Variants in SHISA6 observed in about 807,000 individuals in gnomAD.
The protein encoded by SHISA6 is protein shisa-6.
Under a neutral mutation model 47.9 loss-of-function variants are expected in SHISA6, and 22 were observed. That is an observed-to-expected ratio of 0.46 (90% CI 0.33 to 0.66). The LOEUF (loss-of-function observed/expected upper bound fraction) is 0.66, where lower values mean the gene tolerates loss of function less well. SHISA6 is among the 30% of genes least tolerant of loss of function. The pLI is 0.02. For missense variants in SHISA6, 680 were observed against 764.6 expected (o/e 0.89, Z 1.30); for synonymous variants, 388 against 337.8 (o/e 1.15, Z -1.63).
intron 3 of SHISA6, among the ~76,000 whole-genome samples, chr17:11,516,757 T>A (rs2071589107): frequency 6.6e-6 from 1 of 152,182 alleles, no homozygotes; most frequent in Admixed American, 6.5e-5. Flanking sequence ...GATAAATGGT[T>A]AGAAAAGGGG....
At chr17:11,298,694 C>A (rs185613654) in intron 2 of SHISA6, among the ~76,000 whole-genome samples, 1 of 152,104 alleles carries the variant, frequency 6.6e-6, no homozygotes, top group Non-Finnish European at 1.5e-5. Context: ...ATTCTGGTAA[C>A]GTAAGACCCA....
Position 11,321,670 on chromosome 17 carries a change from G to A in SHISA6, c.800-57744G>A, listed in dbSNP as rs533404704. On this transcript the variant is annotated intron_variant, in intron 2 of 5. Transcript: ENST00000441885. ...TATTTATTTTCTAGCTGGTCCCTCC[G>A]TTTTTTGTTTCTTTGTTGATCCTTT... Among the ~76,000 whole-genome samples the A allele has an allele frequency of 1.5e-3, 226 of 152,058 alleles. 2 individuals carry two copies. Among genetic ancestry groups the A allele is most frequent in the African/African-American group, 5.0e-3 (207 of 41,446 alleles).
At chr17:11,326,126 C>T (rs751747953) in intron 2 of SHISA6, among the ~76,000 whole-genome samples, 74 of 152,172 alleles carry the variant, frequency 4.9e-4, no homozygotes, top group Non-Finnish European at 9.0e-4. Context: ...AAAAAATTAG[C>T]CAGGCGTGGT....
At chr17:11,300,204 T>A (rs1909878819) in intron 2 of SHISA6, among the ~76,000 whole-genome samples, 1 of 151,440 alleles carries the variant, frequency 6.6e-6, no homozygotes. Context: ...GGCAACACCT[T>A]CACAGGTTTA....
intron 3 of SHISA6, among the ~76,000 whole-genome samples, chr17:11,518,343 G>C (rs2071602068): frequency 6.6e-6 from 1 of 152,170 alleles, no homozygotes; most frequent in Admixed American, 6.5e-5. Context: ...AGAGGTCAGT[G>C]ATAAGAAACA....
chr17:11,514,571 G>C (rs1160323140), intron 3 of SHISA6, among the ~76,000 whole-genome samples: 1 of 152,202 alleles, frequency 6.6e-6, no homozygotes, highest in Non-Finnish European at 1.5e-5. Context: ...GCAGTGGATG[G>C]TTCCATATGA....
intron 3 of SHISA6, among the ~76,000 whole-genome samples, chr17:11,531,764 C>T (rs72809056): frequency 6.6e-6 from 1 of 152,270 alleles, no homozygotes; most frequent in Non-Finnish European, 1.5e-5. Flanking sequence ...TTTAGTGATC[C>T]ACTGCACAGA....
intron 1 of SHISA6, among the ~76,000 whole-genome samples, chr17:11,249,137 C>CAA (rs139559354): frequency 7.6e-4 from 46 of 60,350 alleles, no homozygotes; most frequent in Non-Finnish European, 1.2e-3. Context: ...GACTCCGTCT[C>CAA]AAAAAAAAAA....
At chr17:11,464,853 A>G (rs1372104029) in intron 3 of SHISA6, among the ~76,000 whole-genome samples, 1 of 151,776 alleles carries the variant, frequency 6.6e-6, no homozygotes, top group Non-Finnish European at 1.5e-5. Flanking sequence ...GAGGCAGAAG[A>G]ATTGCTTGAA....
chr17:11,408,334 T>A lies in SHISA6; in HGVS notation c.895+28825T>A, dbSNP rs149680186. On this transcript the variant is annotated intron_variant, in intron 3 of 5. Transcript: ENST00000441885. ...AGCATCAACATTCCCTAGAAACTTG[T>A]TAGAAGTGCAAATTCTTGGGCTCTA... Among the ~76,000 whole-genome samples the A allele has an allele frequency of 2.6e-5, 4 of 152,308 alleles. No individual in the cohort carries two copies. The East Asian group carries it at 7.7e-4, about 29-fold the overall frequency.
intron 2 of SHISA6, among the ~76,000 whole-genome samples, chr17:11,337,284 T>C (rs1341481284): frequency 6.6e-6 from 1 of 152,144 alleles, no homozygotes; most frequent in Non-Finnish European, 1.5e-5. Context: ...ATTATCGCTG[T>C]GGGCATCTGG....
chr17:11,445,833 T>TTA (rs1915212966), intron 3 of SHISA6, among the ~76,000 whole-genome samples: 1 of 152,160 alleles, frequency 6.6e-6, no homozygotes, highest in African/African-American at 2.4e-5. Context: ...TTCCTTTCTT[T>TTA]CTTTTATTTT....
chr17:11,329,617 G>C (rs1235065391), intron 2 of SHISA6, among the ~76,000 whole-genome samples: 1 of 152,066 alleles, frequency 6.6e-6, no homozygotes, highest in African/African-American at 2.4e-5. Flanking sequence ...TTTTAGGTAA[G>C]GGTAGAGTTT....
chr17:11,455,760 G>A (rs957745375), intron 3 of SHISA6, among the ~76,000 whole-genome samples: 1 of 152,134 alleles, frequency 6.6e-6, no homozygotes, highest in African/African-American at 2.4e-5. Context: ...CTCACAGCAG[G>A]GCACTACGCT....
intron 3 of SHISA6, among the ~76,000 whole-genome samples, chr17:11,452,211 G>T (rs1209256551): frequency 6.6e-6 from 1 of 152,240 alleles, no homozygotes; most frequent in African/African-American, 2.4e-5. Flanking sequence ...GGGGATATCG[G>T]TGCATAGCAC....
intron 3 of SHISA6, among the ~76,000 whole-genome samples, chr17:11,532,739 CTTTTTTTTTTT>C (rs71142217): frequency 4.2e-5 from 3 of 71,304 alleles, no homozygotes; most frequent in South Asian, 8.7e-4. Flanking sequence ...TCTATCAGGG[CTTTTTTTTTTT>C]TTTTTTTTTT....
At chr17:11,383,907 A>T (rs1913113521) in intron 3 of SHISA6, among the ~76,000 whole-genome samples, 1 of 152,160 alleles carries the variant, frequency 6.6e-6, no homozygotes, top group African/African-American at 2.4e-5. Context: ...TGGAACCCAG[A>T]ATGGTCTTTA....
chr17:11,385,609 T>A (rs1474791954), intron 3 of SHISA6, among the ~76,000 whole-genome samples: 3 of 151,984 alleles, frequency 2.0e-5, no homozygotes, highest in Non-Finnish European at 4.4e-5. Context: ...AAACTCTTGG[T>A]TGGGGATAGA....
chr17:11,424,710 T>TA (rs35988214), intron 3 of SHISA6, among the ~76,000 whole-genome samples: 11 of 150,762 alleles, frequency 7.3e-5, no homozygotes, highest in South Asian at 4.2e-4. Context: ...TTTTTTAAAA[T>TA]AAAAAAAAAC....
Sources: allele counts gnomAD v4.1 joint callset (sites outside exome capture counted in the v4.1 genomes callset), GRCh38; gene constraint gnomAD v4.1.1; transcripts MANE v1.5; gene names NCBI Gene and HGNC (gene_info 2026-07-23, HGNC 2026-07-21).